Variants in DAAM2 observed in about 807,000 individuals in gnomAD.
The protein encoded by DAAM2 is dishevelled associated activator of morphogenesis 2.
DAAM2 carries 39 observed loss-of-function variants against 120.7 expected under a neutral mutation model. The observed-to-expected ratio is 0.32, with a 90% CI of 0.25 to 0.42. The LOEUF (loss-of-function observed/expected upper bound fraction) is 0.42, where lower values mean the gene tolerates loss of function less well. DAAM2 is among the 10% of genes least tolerant of loss of function. DAAM2 has a pLI of 1.00. For missense variants in DAAM2, 1,283 were observed against 1,401.7 expected, an observed-to-expected ratio of 0.92 and a Z score of 1.35; for synonymous variants, 488 against 524.9, an observed-to-expected ratio of 0.93 and a Z score of 0.96.
At chr6:39,801,135 A>G (rs1761850464) in intron 1 of DAAM2, among the ~76,000 whole-genome samples, 1 of 152,136 alleles carries the variant, frequency 6.6e-6, no homozygotes. Context: ...AAAATGCTAC[A>G]AGTTTTAGCA....
In DAAM2 at chr6:39,811,528, C is replaced by T. The variant is rs139869417; in HGVS notation, c.-57+19063C>T. 5.2e-3 allele frequency among the ~76,000 whole-genome samples: 788 copies of T among 152,200 alleles called. 6 individuals are homozygous for T. The highest frequency in any genetic ancestry group is 0.018 in the African/African-American group (733 of 41,518). ...GGCAACACCAAATGGCAACCCCACC[C>T]GGCACCCTCCTCTCTGGAACGTCTG... On this transcript the variant is annotated intron_variant, in intron 1 of 24. Transcript: ENST00000274867.
intron 4 of DAAM2, 77 bp from the exon 5 acceptor site, chr6:39,864,903 T>C (rs1764362266): frequency 6.5e-7 from 1 of 1,535,842 alleles, no homozygotes; most frequent in Admixed American, 2.0e-5. Flanking sequence ...GAGGCAAGCA[T>C]GGCCCCTGGG....
intron 1 of DAAM2, among the ~76,000 whole-genome samples, chr6:39,809,898 G>C (rs1762113202): frequency 6.6e-6 from 1 of 152,120 alleles, no homozygotes; most frequent in Non-Finnish European, 1.5e-5. Flanking sequence ...GAGTTGGTAG[G>C]GTGGTTCCAC....
intron 1 of DAAM2, among the ~76,000 whole-genome samples, chr6:39,798,614 G>C (rs1238053016): frequency 6.6e-6 from 1 of 152,170 alleles, no homozygotes; most frequent in East Asian, 1.9e-4. Context: ...ACCAATTGCT[G>C]TGTCGGCCAG....
At chr6:39,895,440 C>T (rs919839356) in intron 19 of DAAM2, among the ~76,000 whole-genome samples, 1 of 151,764 alleles carries the variant, frequency 6.6e-6, no homozygotes, top group African/African-American at 2.4e-5. Context: ...TTCACCGTGT[C>T]ACCCAGGTTG....
intron 1 of DAAM2, among the ~76,000 whole-genome samples, chr6:39,833,655 C>T (rs1389932163): frequency 6.6e-6 from 1 of 152,134 alleles, no homozygotes; most frequent in Non-Finnish European, 1.5e-5. Flanking sequence ...GACATCATTA[C>T]CTTGTATCAA....
chr6:39,900,454 G>T (rs1027849274), intron 23 of DAAM2, among the ~76,000 whole-genome samples: 1 of 152,162 alleles, frequency 6.6e-6, no homozygotes, highest in Non-Finnish European at 1.5e-5. Flanking sequence ...CTACCTTATG[G>T]GTTTGTTGAA....
At chr6:39,861,418 A>T in intron 3 of DAAM2, 1 of 348,334 alleles carries the variant, frequency 2.9e-6, no homozygotes, top group Non-Finnish European at 5.7e-6. Context: ...TTTAGTCTCC[A>T]CTCTGTCCCA....
chr6:39,887,390 C>G (rs1434124551), intron 15 of DAAM2, 96 bp from the exon 16 acceptor site: 9 of 777,152 alleles, frequency 1.2e-5, no homozygotes, highest in Non-Finnish European at 2.0e-5. Flanking sequence ...ACACCAGGAG[C>G]ATTCCTGGAT....
intron 10 of DAAM2, 32 bp downstream of exon 10, chr6:39,873,387 C>T (rs1240685991): frequency 6.8e-7 from 1 of 1,471,052 alleles, no homozygotes; most frequent in South Asian, 1.2e-5. Context: ...CTTCCCTCGA[C>T]TGGCCTGAAC....
rs1248553946 is a variant in DAAM2 at position 39,904,032 on chromosome 6, C to T, written c.*1995C>T. Reference sequence around the variant, plus strand: ...TGGGTGAGGCCTCTAAAGGTCCTCTCCCAAACTGACCAGGCTGATGTCAAC... The same window carrying T: ...TGGGTGAGGCCTCTAAAGGTCCTCTTCCAAACTGACCAGGCTGATGTCAAC... On this transcript the variant is annotated 3_prime_UTR_variant, in exon 25 of 25. Transcript: ENST00000274867. 8.1e-6 allele frequency: 3 copies of T among 370,564 alleles called. No homozygotes were observed. The highest frequency in any genetic ancestry group is 1.6e-5 in the Non-Finnish European group (3 of 189,662). 23.0% of individuals were successfully genotyped at this position (370,564 alleles called of 1,614,324 possible).
chr6:39,884,326 C>G, intron 15 of DAAM2: 1 of 395,570 alleles, frequency 2.5e-6, no homozygotes, highest in Admixed American at 3.8e-5. Flanking sequence ...GGGAAATATG[C>G]TTGTATTATG....
chr6:39,824,855 G>A (rs1762612258), intron 1 of DAAM2, among the ~76,000 whole-genome samples: 1 of 152,188 alleles, frequency 6.6e-6, no homozygotes, highest in African/African-American at 2.4e-5. Flanking sequence ...ATGGGTGAGG[G>A]CCATGGGGAA....
rs767210169 is a variant in DAAM2 at position 39,878,495 on chromosome 6, C to G, written c.1452C>G (p.Asn484Lys). 2 of 1,610,850 alleles carry G rather than the reference C, an allele frequency of 1.2e-6. No individual in the cohort carries two copies. Among genetic ancestry groups the G allele is most frequent in the Non-Finnish European group, 8.5e-7 (1 of 1,178,478 alleles). Residue 484 changes from asparagine to lysine, a missense_variant, in exon 13 of 25, where the codon AAC (asparagine) becomes AAG (lysine). Asn to Lys is a moderately conservative substitution (Grantham distance 94, BLOSUM62 0). Coordinates refer to ENST00000274867, the MANE Select transcript of DAAM2 (RefSeq NM_001201427.2). The surrounding 1 kb of genome is among the most constrained non-coding windows in gnomAD (Gnocchi z 5.0). Reference protein sequence around the residue: ...LEKEEMMRTLNKMKDKLARES... With the variant: ...LEKEEMMRTLKKMKDKLARES... ...AGGAAGAGATGATGCGGACGCTGAA[C>G]AAAATGAAGGACAAGCTGGCCCGGG...
intron 18 of DAAM2, 71 bp from the exon 19 acceptor site, chr6:39,891,563 C>T (rs1256245767): frequency 1.3e-6 from 2 of 1,528,726 alleles, no homozygotes; most frequent in East Asian, 4.8e-5. Flanking sequence ...GAGACTGGAG[C>T]TGGCTCCGGG....
intron 11 of DAAM2, among the ~76,000 whole-genome samples, chr6:39,875,756 G>A (rs1032949192): frequency 5.3e-5 from 8 of 152,140 alleles, no homozygotes; most frequent in Non-Finnish European, 1.0e-4. Flanking sequence ...CACATGACAC[G>A]TGGCTAGTGA....
At chr6:39,900,539 G>GT (rs1177972460) in intron 23 of DAAM2, among the ~76,000 whole-genome samples, 2 of 152,218 alleles carry the variant, frequency 1.3e-5, no homozygotes, top group Non-Finnish European at 2.9e-5. Flanking sequence ...TTGCCCAGCT[G>GT]TAAGTTATAG....
At chr6:39,833,440 G>A (rs1198857654) in intron 1 of DAAM2, among the ~76,000 whole-genome samples, 1 of 152,112 alleles carries the variant, frequency 6.6e-6, no homozygotes. Flanking sequence ...AAGTGGCTGA[G>A]ATTATGAGTG....
chr6:39,807,799 G>A (rs966114825), intron 1 of DAAM2, among the ~76,000 whole-genome samples: 4 of 152,170 alleles, frequency 2.6e-5, no homozygotes, highest in African/African-American at 9.7e-5. Context: ...TTATAGGCTT[G>A]AGCCACTGCA....
Sources: allele counts gnomAD v4.1 joint callset (sites outside exome capture counted in the v4.1 genomes callset), GRCh38; gene constraint gnomAD v4.1.1; non-coding constraint Gnocchi (gnomAD v3.1); transcripts MANE v1.5; gene names NCBI Gene and HGNC (gene_info 2026-07-23, HGNC 2026-07-21).